Variants in GGA1 observed in about 807,000 individuals in gnomAD.
The protein encoded by GGA1 is golgi associated, gamma adaptin ear containing, ARF binding protein 1.
Under a neutral mutation model 76.9 loss-of-function variants are expected in GGA1, and 18 were observed. The observed-to-expected ratio is 0.23, with a 90% confidence interval of 0.16 to 0.35. GGA1 has a LOEUF of 0.35. Ranked by LOEUF, GGA1 falls within the 10% of genes least tolerant of loss-of-function variation. GGA1 has a pLI of 1.00. For synonymous variants in GGA1, 342 were observed against 354.7 expected (o/e 0.96, Z 0.40); for missense variants, 755 against 859.0 (o/e 0.88, Z 1.51).
rs1023775236 is a variant in GGA1, at chr22:37,609,250, G to A, written c.43+347G>A. ...GAGTAGCGGCCCGGGGAAGGAGCAC[G>A]CGAGCGGTTCCCCGGGGTTGCATCT... On this transcript the variant is annotated intron_variant, in intron 1 of 16. Transcript: ENST00000343632. The A allele has an allele frequency of 8.5e-6, 10 of 1,175,554 alleles. No individual in the cohort carries two copies. The African/African-American group carries it at 1.7e-4, about 20-fold the overall frequency. 72.8% of individuals were successfully genotyped at this position (1,175,554 alleles called of 1,614,324 possible).
chr22:37,630,093 C>T lies in GGA1; in HGVS notation c.1254C>T (p.Ser418=), dbSNP rs1191882303. The T allele has an allele frequency of 3.7e-6, 6 of 1,610,204 alleles. No individual in the cohort carries two copies. The highest frequency in any genetic ancestry group is 1.1e-5 in the South Asian group (1 of 90,978). ...PPAQTSLPAS[S]GLDDLDLLGK... ...CGCAGACATCCCTGCCAGCAAGCAG[C>T]GGTCTGGACGACCTAGACCTCCTGG... is the stretch of plus-strand genomic sequence containing the variant. The change falls in exon 13 of 17, where the codon AGC becomes AGT. Residue 418 remains serine (S), a synonymous_variant. Coordinates refer to ENST00000343632, the MANE Select transcript of GGA1 (RefSeq NM_013365.5).
rs569118683 is a variant in GGA1 at position 37,609,224 on chromosome 22, G to A, written c.43+321G>A. 3.0e-5 allele frequency: 37 copies of A among 1,229,010 alleles called. No individual in the cohort carries two copies. In the East Asian group the frequency reaches 1.9e-3, roughly 64 times the overall value. The allele number at this position is 1,229,010 out of a possible 1,614,324, so 76.1% of individuals were successfully genotyped here. On this transcript the variant is annotated intron_variant, in intron 1 of 16. Transcript: ENST00000343632. The stretch of plus-strand genomic sequence containing the variant: ...ACCCCCAAGGCTCACATTGCTTCAC[G>A]GAGTAGCGGCCCGGGGAAGGAGCAC...
intron 11 of GGA1, chr22:37,627,109 C>G (rs571433400): frequency 6.6e-6 from 1 of 152,068 alleles, no homozygotes; most frequent in African/African-American, 2.4e-5. Flanking sequence ...TGCGGTGAGC[C>G]GAGATGGCAC....
At position 37,632,157 on chromosome 22, in the gene GGA1, G is replaced by A. The variant is rs765564370; in HGVS notation, c.1690G>A (p.Val564Ile). The change falls in exon 15 of 17, where the codon GTC (valine) becomes ATC (isoleucine). Residue 564 changes from valine (V) to isoleucine (I), a missense_variant. By Grantham distance (29) the Val-to-Ile change is conservative. Coordinates refer to ENST00000343632, the MANE Select transcript of GGA1 (RefSeq NM_013365.5). This position sits in a 1 kb window ranked among gnomAD's most constrained non-coding sequence, Gnocchi z 5.1. Reference sequence around the variant, plus strand: ...CCGCAACATCGTGTTCCAGTCAGCTGTCCCCAAGGTGACAAGCCAGTCGGA... The same window carrying A: ...CCGCAACATCGTGTTCCAGTCAGCTATCCCCAAGGTGACAAGCCAGTCGGA... ...PIRNIVFQSA[V>I]PKVMKVKLQP... The A allele has an allele frequency of 6.2e-7, 1 of 1,609,260 alleles. No homozygotes were observed. The highest frequency in any genetic ancestry group is 8.5e-7 in the Non-Finnish European group (1 of 1,176,478).
intron 7 of GGA1, among the ~76,000 whole-genome samples, chr22:37,621,935 G>T (rs1463990325): frequency 1.3e-5 from 2 of 151,118 alleles, no homozygotes; most frequent in Non-Finnish European, 2.9e-5. Context: ...AGTTAGAAAT[G>T]AATTAGGCCT....
chr22:37,631,847 A>AC, intron 14 of GGA1, 149 bp from the exon 15 acceptor site: 1 of 636,934 alleles, frequency 1.6e-6, no homozygotes, highest in Non-Finnish European at 2.7e-6. Flanking sequence ...CTGCACTGCC[A>AC]CCCAGGGTCC....
chr22:37,623,740 C>T lies in GGA1; in HGVS notation c.832+107C>T, dbSNP rs1377369399. ...TATCTGCAGTTGGAAGGAGCCACCA[C>T]CAGGGGGCCCCCTTCTCCAGCACCG... On this transcript the variant is annotated intron_variant, in intron 9 of 16. Transcript: ENST00000343632. The surrounding 1 kb of genome is among the most constrained non-coding windows in gnomAD (Gnocchi z 4.6). The T allele has an allele frequency of 5.0e-6, 4 of 800,944 alleles. No homozygotes were observed. The Admixed American group carries it at 9.2e-5, about 18-fold the overall frequency. The allele number at this position is 800,944 out of a possible 1,614,324, so 49.6% of individuals were successfully genotyped here. A position where few individuals can be genotyped will look rare whatever the true frequency, so the allele number is the denominator to read the frequency against.
At chr22:37,619,999 C>T in intron 4 of GGA1, 1 of 620,276 alleles carries the variant, frequency 1.6e-6, no homozygotes, top group Non-Finnish European at 2.9e-6. Flanking sequence ...TCTGCATCCT[C>T]ACCATGGTGC....
At position 37,612,328 on chromosome 22, in the gene GGA1, C is replaced by T. The variant is rs1161028156; in HGVS notation, c.44-1862C>T. ...AAATACAAAAAAAAAAAAAATTAGCCGGGCGTGGTGGCGGGCACCTGTAGT... is the reference window on the plus strand; with the variant it reads ...AAATACAAAAAAAAAAAAAATTAGCTGGGCGTGGTGGCGGGCACCTGTAGT... On this transcript the variant is annotated intron_variant, in intron 1 of 16. Coordinates refer to ENST00000343632, the MANE Select transcript of GGA1 (RefSeq NM_013365.5). Among the ~76,000 whole-genome samples the T allele has an allele frequency of 2.7e-5, 4 of 147,996 alleles. No individual in the cohort carries two copies. The East Asian group carries it at 5.9e-4, about 22-fold the overall frequency.
rs866868938 is a variant in GGA1 at position 37,609,029 on chromosome 22, G to T, written c.43+126G>T. The T allele has an allele frequency of 1.2e-5, 17 of 1,412,874 alleles. 1 individual carries two copies. The highest frequency in any genetic ancestry group is 2.4e-4 in the Middle Eastern group (1 of 4,178). 87.5% of individuals were successfully genotyped at this position (1,412,874 alleles called of 1,614,324 possible). ...ACGCCCCGCCCCCGGCCCGGGAGGGGCGGTGTCCTCAGTCGGCCCCTCAGA... is the reference window on the plus strand; with the variant it reads ...ACGCCCCGCCCCCGGCCCGGGAGGGTCGGTGTCCTCAGTCGGCCCCTCAGA... On this transcript the variant is annotated intron_variant, in intron 1 of 16. Transcript: ENST00000343632.
At position 37,623,718 on chromosome 22, in the gene GGA1, C is replaced by A. The variant is rs1039635587; in HGVS notation, c.832+85C>A. On this transcript the variant is annotated intron_variant, in intron 9 of 16. Coordinates refer to ENST00000343632, the MANE Select transcript of GGA1 (RefSeq NM_013365.5). The surrounding 1 kb of genome is among the most constrained non-coding windows in gnomAD (Gnocchi z 4.6). ...ACCTCCCCCAGGCCCTGCTAAGTATCTGCAGTTGGAAGGAGCCACCACCAG... is the reference window on the plus strand; with the variant it reads ...ACCTCCCCCAGGCCCTGCTAAGTATATGCAGTTGGAAGGAGCCACCACCAG... 3 of 979,922 alleles carry A rather than the reference C, an allele frequency of 3.1e-6. No individual in the cohort carries two copies. The highest frequency in any genetic ancestry group is 2.2e-5 in the Admixed American group (1 of 46,178). The allele number at this position is 979,922 out of a possible 1,614,324, so 60.7% of individuals were successfully genotyped here. A position where few individuals can be genotyped will look rare whatever the true frequency, so the allele number is the denominator to read the frequency against.
Position 37,632,867 on chromosome 22 carries a change from T to TC in GGA1, c.*161dup, listed in dbSNP as rs534279990. The TC allele has an allele frequency of 3.3e-6, 2 of 604,034 alleles. No homozygotes were observed. Among genetic ancestry groups the TC allele is most frequent in the East Asian group, 2.8e-5 (1 of 36,052 alleles). The allele number at this position is 604,034 out of a possible 1,614,324, so 37.4% of individuals were successfully genotyped here. On this transcript the variant is annotated 3_prime_UTR_variant, in exon 17 of 17. Coordinates refer to ENST00000343632, the MANE Select transcript of GGA1 (RefSeq NM_013365.5). The surrounding 1 kb of genome is among the most constrained non-coding windows in gnomAD (Gnocchi z 5.1). ...ACCCCTGTAGGCCTCAAGTGACTCT[T>TC]CCCCCTCCTGCTCCGGCCCCGCCCC...
In GGA1 at chr22:37,632,187, G is replaced by T; in HGVS notation, c.1698+22G>T. On this transcript the variant is annotated intron_variant, in intron 15 of 16. Transcript: ENST00000343632. The surrounding 1 kb of genome is among the most constrained non-coding windows in gnomAD (Gnocchi z 5.1). ...CAAGGTGACAAGCCAGTCGGACAGG[G>T]CATGCCTCCCTCCTCTCAAGGCAGG... The T allele has an allele frequency of 6.3e-7, 1 of 1,598,716 alleles. No individual in the cohort carries two copies. Among genetic ancestry groups the T allele is most frequent in the Non-Finnish European group, 8.6e-7 (1 of 1,168,746 alleles).
chr22:37,613,719 C>T (rs1445348543), intron 1 of GGA1, among the ~76,000 whole-genome samples: 2 of 152,124 alleles, frequency 1.3e-5, no homozygotes, highest in African/African-American at 2.4e-5. Flanking sequence ...GTTTCTACAG[C>T]TCCTTGGCTT....
At chr22:37,613,870 A>C in intron 1 of GGA1, 1 of 309,638 alleles carries the variant, frequency 3.2e-6, no homozygotes, top group South Asian at 3.6e-5. Flanking sequence ...AATTATGGAG[A>C]CACTGTTCTC....
intron 4 of GGA1, 131 bp from the exon 5 acceptor site, chr22:37,620,107 G>A: frequency 1.1e-6 from 1 of 951,282 alleles, no homozygotes; most frequent in East Asian, 2.4e-5. Flanking sequence ...GGTTGGGCGG[G>A]GCTATGAGGA....
chr22:37,624,068 C>T lies in GGA1; in HGVS notation c.832+435C>T, dbSNP rs562085202. The T allele has an allele frequency of 4.3e-4, 76 of 177,710 alleles. No individual in the cohort carries two copies. The highest frequency in any genetic ancestry group is 1.6e-3 in the African/African-American group (69 of 42,422). The allele number at this position is 177,710 out of a possible 1,614,324, so 11.0% of individuals were successfully genotyped here. ...CAGGCAGTTCCAGACCTGAGCCTGA[C>T]GGCTTCTGCCAGGGCCACATACCAG... On this transcript the variant is annotated intron_variant, in intron 9 of 16. Coordinates refer to ENST00000343632, the MANE Select transcript of GGA1 (RefSeq NM_013365.5). This position sits in a 1 kb window ranked among gnomAD's most constrained non-coding sequence, Gnocchi z 4.3.
chr22:37,609,207 G>A, intron 1 of GGA1: 1 of 1,292,670 alleles, frequency 7.7e-7, no homozygotes, highest in Non-Finnish European at 1.0e-6. Flanking sequence ...CAACCCCCAA[G>A]GCTCACATTG....
intron 3 of GGA1, chr22:37,617,324 G>C: frequency 8.1e-7 from 1 of 1,236,258 alleles, no homozygotes; most frequent in Non-Finnish European, 1.0e-6. Context: ...ACCCAGACCT[G>C]CCGAGGCCAC....
Sources: gnomAD v4.1 joint callset for allele counts (sites outside exome capture counted in the v4.1 genomes callset) on GRCh38, gnomAD v4.1.1 for gene constraint, Gnocchi (gnomAD v3.1) non-coding constraint, MANE v1.5 for transcripts, NCBI Gene and HGNC (gene_info 2026-07-23, HGNC 2026-07-21) for gene names.